Variants in EHMT1 observed in about 807,000 individuals in gnomAD.
EHMT1 encodes the protein euchromatic histone lysine methyltransferase 1, also known as histone-lysine N-methyltransferase EHMT1.
In EHMT1, 15 loss-of-function variants were observed where a neutral mutation model predicts 147.2. That is an observed-to-expected ratio of 0.10 (90% CI 0.07 to 0.16). The LOEUF is 0.16. EHMT1 is among the 10% of genes least tolerant of loss of function. EHMT1 has a pLI of 1.00. For synonymous variants in EHMT1, 795 were observed against 709.6 expected, an observed-to-expected ratio of 1.12 and a Z score of -1.91; for missense variants, 1,587 against 1,772.4, an observed-to-expected ratio of 0.90 and a Z score of 1.88.
Position 137,776,495 on chromosome 9 carries a change from C to T in EHMT1, c.1792-123C>T, listed in dbSNP as rs776669945. 18 of 934,712 alleles carry T rather than the reference C, an allele frequency of 1.9e-5. No individual in the cohort carries two copies. Among genetic ancestry groups the T allele is most frequent in the East Asian group, 5.3e-5 (2 of 37,776 alleles). The allele number at this position is 934,712 out of a possible 1,614,324, so 57.9% of individuals were successfully genotyped here. On this transcript the variant is annotated intron_variant, in intron 11 of 26. Coordinates refer to ENST00000460843, the MANE Select transcript of EHMT1 (RefSeq NM_024757.5). The surrounding 1 kb of genome is among the most constrained non-coding windows in gnomAD (Gnocchi z 4.4). The stretch of plus-strand genomic sequence containing the variant: ...CTGGGGCCAAGACTGGACCCCACCC[C>T]GACCCATGGCTCACTCTGCAGACCG...
At chr9:137,763,298 A>G (rs1949982155) in intron 10 of EHMT1, 1 of 254,904 alleles carries the variant, frequency 3.9e-6, no homozygotes, top group African/African-American at 2.2e-5. Context: ...TGCCTCTGGG[A>G]CAGGAGGGGG....
intron 1 of EHMT1, among the ~76,000 whole-genome samples, chr9:137,664,727 A>G (rs1221987957): frequency 6.6e-6 from 1 of 151,748 alleles, no homozygotes; most frequent in African/African-American, 2.4e-5. Flanking sequence ...TGGGGGAGGG[A>G]GCCGAGGTGG....
At chr9:137,770,724 G>A (rs544856865) in intron 10 of EHMT1, among the ~76,000 whole-genome samples, 22 of 152,178 alleles carry the variant, frequency 1.4e-4, no homozygotes, top group Admixed American at 7.2e-4. Context: ...CTCACACCAA[G>A]GAGGCTTCTG....
At chr9:137,833,608 C>T (rs905443446) in intron 25 of EHMT1, among the ~76,000 whole-genome samples, 7 of 152,248 alleles carry the variant, frequency 4.6e-5, no homozygotes, top group Non-Finnish European at 1.0e-4. Context: ...CAGGCCCACC[C>T]ACCTCGTCCC....
intron 9 of EHMT1, among the ~76,000 whole-genome samples, chr9:137,761,528 A>G (rs1392552511): frequency 1.3e-5 from 2 of 152,186 alleles, no homozygotes; most frequent in African/African-American, 4.8e-5. Flanking sequence ...ATCTCAGCTC[A>G]CTACAACCTC....
At chr9:137,679,523 G>T (rs762326265) in intron 1 of EHMT1, among the ~76,000 whole-genome samples, 1 of 152,178 alleles carries the variant, frequency 6.6e-6, no homozygotes, top group Admixed American at 6.5e-5. Context: ...CACAGAAGGC[G>T]CTGGGAGGTG....
intron 1 of EHMT1, among the ~76,000 whole-genome samples, chr9:137,621,839 T>A (rs926634761): frequency 6.6e-6 from 1 of 152,232 alleles, no homozygotes; most frequent in East Asian, 1.9e-4. Flanking sequence ...ATGTATCGCT[T>A]CTTTATTTTT....
rs1410508173 is a variant in EHMT1 at position 137,834,992 on chromosome 9, C to T, written c.*39C>T. The T allele has an allele frequency of 1.5e-6, 2 of 1,368,972 alleles. No individual in the cohort carries two copies. The highest frequency in any genetic ancestry group is 1.9e-6 in the Non-Finnish European group (2 of 1,068,806). 84.8% of individuals were successfully genotyped at this position (1,368,972 alleles called of 1,614,324 possible). ...AGCGGGGCGCTCGGGAGCCAGGGAC[C>T]GCCGCGTCGCCGATTAGAGGACGAG... On this transcript the variant is annotated 3_prime_UTR_variant, in exon 27 of 27. Transcript: ENST00000460843.
intron 1 of EHMT1, among the ~76,000 whole-genome samples, chr9:137,674,054 G>T (rs1421774258): frequency 6.6e-6 from 1 of 152,212 alleles, no homozygotes; most frequent in Non-Finnish European, 1.5e-5. Context: ...TTCACACACT[G>T]TTTGAAATAC....
At chr9:137,651,521 C>A (rs761035923) in intron 1 of EHMT1, among the ~76,000 whole-genome samples, 1 of 152,128 alleles carries the variant, frequency 6.6e-6, no homozygotes, top group Non-Finnish European at 1.5e-5. Context: ...CGGTGGCTCA[C>A]GCTTGTAATC....
Position 137,687,148 on chromosome 9 carries a change from T to G in EHMT1, c.22-23819T>G, listed in dbSNP as rs1018083866. On this transcript the variant is annotated intron_variant, in intron 1 of 26. Transcript: ENST00000460843. ...TCGATATACTGTAAAGGTATGGGCT[T>G]ATTTCTAGGTTCATAATTCAATCCC... Among the ~76,000 whole-genome samples the G allele has an allele frequency of 3.9e-5, 6 of 152,212 alleles. No individual in the cohort carries two copies. The South Asian group carries it at 1.0e-3, about 26-fold the overall frequency.
At chr9:137,809,419 G>A (rs1184612806) in intron 18 of EHMT1, among the ~76,000 whole-genome samples, 4 of 152,316 alleles carry the variant, frequency 2.6e-5, no homozygotes, top group African/African-American at 7.2e-5. Context: ...GCGGCCCTGC[G>A]CCCTCGGAGG....
chr9:137,811,312 T>C, intron 18 of EHMT1, 149 bp from the exon 19 acceptor site: 1 of 1,020,720 alleles, frequency 9.8e-7, no homozygotes, highest in Non-Finnish European at 1.5e-6. Flanking sequence ...CGGTGACCTG[T>C]GGCACCCTTT....
intron 4 of EHMT1, among the ~76,000 whole-genome samples, chr9:137,730,711 C>A (rs1947033907): frequency 6.6e-6 from 1 of 152,208 alleles, no homozygotes; most frequent in African/African-American, 2.4e-5. Context: ...GTGGGGTCCC[C>A]CTAGGCTGGT....
chr9:137,663,451 T>G (rs1157212510), intron 1 of EHMT1, among the ~76,000 whole-genome samples: 1 of 152,136 alleles, frequency 6.6e-6, no homozygotes, highest in African/African-American at 2.4e-5. Flanking sequence ...TGGAGTGGAC[T>G]GCTCAGAATC....
chr9:137,757,859 G>A (rs765862086), intron 8 of EHMT1, 21 bp from the exon 9 acceptor site: 1 of 1,613,550 alleles, frequency 6.2e-7, no homozygotes, highest in Non-Finnish European at 8.5e-7. Flanking sequence ...GGTGTCTGAT[G>A]TGTGTGCCTT....
chr9:137,651,435 A>G (rs1184892226), intron 1 of EHMT1, among the ~76,000 whole-genome samples: 1 of 152,210 alleles, frequency 6.6e-6, no homozygotes, highest in East Asian at 1.9e-4. Flanking sequence ...CACAGGCCAC[A>G]TAATGATGTC....
intron 7 of EHMT1, 25 bp downstream of exon 7, chr9:137,752,433 G>A (rs549300129): frequency 5.3e-5 from 85 of 1,609,856 alleles, no homozygotes; most frequent in African/African-American, 5.2e-4. Context: ...CTCCTCCTGC[G>A]TCTGTGCTGA....
chr9:137,634,329 T>C (rs1843823344), intron 1 of EHMT1, among the ~76,000 whole-genome samples: 1 of 152,226 alleles, frequency 6.6e-6, no homozygotes, highest in Admixed American at 6.5e-5. Flanking sequence ...TTGTATATGA[T>C]GTTAGGTAGG....
Sources: allele counts gnomAD v4.1 joint callset (sites outside exome capture counted in the v4.1 genomes callset), GRCh38; gene constraint gnomAD v4.1.1; non-coding constraint Gnocchi (gnomAD v3.1); transcripts MANE v1.5; gene names NCBI Gene and HGNC (gene_info 2026-07-23, HGNC 2026-07-21).